Variants in PTPRD observed in about 807,000 individuals in gnomAD.
The protein encoded by PTPRD is receptor-type tyrosine-protein phosphatase delta.
A neutral mutation model predicts 214.5 loss-of-function variants in PTPRD; 34 were observed. The observed-to-expected ratio is 0.16, with a 90% CI of 0.12 to 0.21. PTPRD has a LOEUF of 0.21. PTPRD is among the 10% of genes least tolerant of loss of function. The pLI is 1.00. For missense variants in PTPRD, 2,545 were observed against 2,398.7 expected (o/e 1.06, Z -1.27); for synonymous variants, 1,128 against 845.7 (o/e 1.33, Z -5.79).
At chr9:9,407,981 TATAAG>T in intron 8 of PTPRD, among the ~76,000 whole-genome samples, 1 of 151,850 alleles carries the variant, frequency 6.6e-6, no homozygotes, top group African/African-American at 2.4e-5. Flanking sequence ...TTATTGACCT[TATAAG>T]AACAGGGAGG....
intron 2 of PTPRD, among the ~76,000 whole-genome samples, chr9:10,546,261 G>T (rs2130871349): frequency 6.6e-6 from 1 of 152,016 alleles, no homozygotes; most frequent in Non-Finnish European, 1.5e-5. Flanking sequence ...TTTGAGGTTA[G>T]TGGCTCATGT....
rs148678773 is a variant in PTPRD, at chr9:9,953,267, A to C, written c.-471-14657T>G. Among the ~76,000 whole-genome samples the C allele has an allele frequency of 8.4e-3, 1,278 of 152,234 alleles. 13 individuals carry two copies. Among genetic ancestry groups the C allele is most frequent in the Non-Finnish European group, 0.012 (814 of 68,020 alleles). ...GCAGACTGCCCTCCACGATGTGGAC[A>C]GGCCTCATCGAATCAGTTATAGGCA... is the stretch of plus-strand genomic sequence containing the variant. On this transcript the variant is annotated intron_variant, in intron 4 of 45. Transcript: ENST00000381196.
At chr9:8,969,220 G>T (rs1037160407) in intron 11 of PTPRD, among the ~76,000 whole-genome samples, 9 of 151,954 alleles carry the variant, frequency 5.9e-5, no homozygotes, top group African/African-American at 2.2e-4. Context: ...TTAAAAAGCC[G>T]AATCGTGCCA....
chr9:8,989,752 T>C (rs975447069), intron 11 of PTPRD, among the ~76,000 whole-genome samples: 27 of 152,162 alleles, frequency 1.8e-4, no homozygotes, highest in Non-Finnish European at 3.1e-4. Context: ...TTCTTACTTA[T>C]GTCTTTATTT....
chr9:9,388,449 A>G (rs4742591), intron 9 of PTPRD, among the ~76,000 whole-genome samples: 56,058 of 151,964 alleles, frequency 0.37, 10,527 homozygotes, highest in East Asian at 0.52. Flanking sequence ...CAATATATCT[A>G]AATGCATAGC....
chr9:9,239,774 G>C (rs768934919), intron 9 of PTPRD, among the ~76,000 whole-genome samples: 8 of 152,122 alleles, frequency 5.3e-5, no homozygotes, highest in Non-Finnish European at 1.2e-4. Context: ...GCCCAGTTGT[G>C]ACTCCTGGTG....
At chr9:9,497,903 G>A (rs1458870811) in intron 8 of PTPRD, among the ~76,000 whole-genome samples, 3 of 152,092 alleles carry the variant, frequency 2.0e-5, no homozygotes, top group African/African-American at 7.2e-5. Flanking sequence ...ACATATCAGG[G>A]CCTCAGTTTT....
intron 11 of PTPRD, among the ~76,000 whole-genome samples, chr9:8,751,694 G>T (rs1371920751): frequency 6.6e-6 from 1 of 152,124 alleles, no homozygotes; most frequent in Non-Finnish European, 1.5e-5. Context: ...CTTCACTCCA[G>T]GATTTCCTCC....
At chr9:8,617,341 C>G (rs913638519) in intron 14 of PTPRD, among the ~76,000 whole-genome samples, 2 of 152,062 alleles carry the variant, frequency 1.3e-5, no homozygotes, top group African/African-American at 4.8e-5. Context: ...TGAGAGGCAG[C>G]TGAGATTTGT....
At chr9:8,583,144 T>A (rs1377922318) in intron 14 of PTPRD, among the ~76,000 whole-genome samples, 9 of 152,186 alleles carry the variant, frequency 5.9e-5, no homozygotes, top group Admixed American at 5.9e-4. Context: ...ATCCCTCACA[T>A]ACACAGTTTA....
intron 12 of PTPRD, among the ~76,000 whole-genome samples, chr9:8,657,781 A>C (rs1596259879): frequency 2.6e-5 from 4 of 152,268 alleles, no homozygotes; most frequent in African/African-American, 9.6e-5. Flanking sequence ...CCTCTGCAGA[A>C]ATTGGCACAT....
chr9:10,548,792 T>C (rs1257471033), intron 2 of PTPRD, among the ~76,000 whole-genome samples: 1 of 152,128 alleles, frequency 6.6e-6, no homozygotes, highest in African/African-American at 2.4e-5. Flanking sequence ...ACTGCCAATG[T>C]CACAGACAAA....
At position 9,370,003 on chromosome 9, in the gene PTPRD, C is replaced by G. The variant is rs577482517; in HGVS notation, c.-203+27446G>C. On this transcript the variant is annotated intron_variant, in intron 9 of 45. Coordinates refer to ENST00000381196, the MANE Select transcript of PTPRD (RefSeq NM_002839.4). ...TTTGGTACCATTACCACGATGTTTT[C>G]GTTACTGTAGCCTTGTAGTATAGTT... Among the ~76,000 whole-genome samples, 525 of 152,094 alleles carry G rather than the reference C, an allele frequency of 3.5e-3. 8 individuals carry two copies. Among genetic ancestry groups the G allele is most frequent in the African/African-American group, 0.012 (488 of 41,512 alleles).
At chr9:8,934,907 T>C (rs1041552781) in intron 11 of PTPRD, among the ~76,000 whole-genome samples, 1 of 152,090 alleles carries the variant, frequency 6.6e-6, no homozygotes, top group African/African-American at 2.4e-5. Flanking sequence ...CATAATGTCC[T>C]CCAGTTTCAT....
chr9:8,485,112 A>G, intron 29 of PTPRD, 115 bp downstream of exon 29: 1 of 751,258 alleles, frequency 1.3e-6, no homozygotes. Flanking sequence ...AAATGAAAAT[A>G]GCAAGGACAC....
chr9:10,272,788 G>C (rs896279927), intron 3 of PTPRD, among the ~76,000 whole-genome samples: 3 of 152,192 alleles, frequency 2.0e-5, no homozygotes, highest in Non-Finnish European at 4.4e-5. Context: ...TCTATAAACA[G>C]AAATGTTTGC....
At chr9:10,356,500 T>A (rs1293978426) in intron 2 of PTPRD, among the ~76,000 whole-genome samples, 2 of 152,132 alleles carry the variant, frequency 1.3e-5, no homozygotes, top group African/African-American at 2.4e-5. Context: ...CATTGTTAAA[T>A]AAAACTATAT....
intron 5 of PTPRD, among the ~76,000 whole-genome samples, chr9:9,781,557 T>C (rs1345806663): frequency 6.6e-5 from 10 of 152,146 alleles, no homozygotes; most frequent in Admixed American, 3.3e-4. Flanking sequence ...TTTGAAGACA[T>C]GTGAAGGCAT....
At chr9:10,445,265 G>A (rs2098790710) in intron 2 of PTPRD, among the ~76,000 whole-genome samples, 1 of 152,082 alleles carries the variant, frequency 6.6e-6, no homozygotes, top group Non-Finnish European at 1.5e-5. Flanking sequence ...CTTGTCAACT[G>A]TGAAGGAGTC....
Sources: allele counts gnomAD v4.1 joint callset (sites outside exome capture counted in the v4.1 genomes callset), GRCh38; gene constraint gnomAD v4.1.1; transcripts MANE v1.5; gene names NCBI Gene and HGNC (gene_info 2026-07-23, HGNC 2026-07-21).